SCAI: variants seen among roughly 807,000 people sequenced by gnomAD.
SCAI encodes the protein protein SCAI.
A neutral mutation model predicts 92.2 loss-of-function variants in SCAI; 24 were observed. The observed-to-expected ratio is 0.26, with a 90% confidence interval of 0.19 to 0.37. The LOEUF is 0.37. Ranked by LOEUF, SCAI falls within the 10% of genes least tolerant of loss-of-function variation. The pLI is 1.00. For synonymous variants in SCAI, 261 were observed against 258.6 expected (o/e 1.01, Z -0.09); for missense variants, 450 against 736.2 (o/e 0.61, Z 4.50).
At chr9:125,072,102 C>A (rs528235883) in intron 2 of SCAI, among the ~76,000 whole-genome samples, 8 of 151,630 alleles carry the variant, frequency 5.3e-5, no homozygotes, top group Non-Finnish European at 7.4e-5. Flanking sequence ...CGGCTCACTG[C>A]AACCTCTGCC....
intron 2 of SCAI, among the ~76,000 whole-genome samples, chr9:125,123,362 CAA>C (rs113727130): frequency 7.4e-6 from 1 of 134,798 alleles, no homozygotes. Context: ...GACTCCAACT[CAA>C]AAAAAAAAAG....
intron 14 of SCAI, among the ~76,000 whole-genome samples, chr9:124,990,851 G>A (rs1286422940): frequency 6.6e-6 from 1 of 151,566 alleles, no homozygotes; most frequent in African/African-American, 2.4e-5. Flanking sequence ...AGGGATTTCT[G>A]AGTGAGTAGT....
At chr9:125,096,698 G>A (rs1286744400) in intron 2 of SCAI, among the ~76,000 whole-genome samples, 1 of 152,154 alleles carries the variant, frequency 6.6e-6, no homozygotes, top group Non-Finnish European at 1.5e-5. Flanking sequence ...CTCAACTCCT[G>A]CTTCTGGGGA....
intron 2 of SCAI, among the ~76,000 whole-genome samples, chr9:125,066,445 T>A (rs1422472722): frequency 7.2e-6 from 1 of 139,614 alleles, no homozygotes; most frequent in Non-Finnish European, 1.6e-5. Context: ...TTATTTTATT[T>A]TATTTTATTT....
chr9:125,124,197 A>G (rs992591993), intron 2 of SCAI, among the ~76,000 whole-genome samples: 4 of 152,204 alleles, frequency 2.6e-5, no homozygotes, highest in Admixed American at 2.6e-4. Flanking sequence ...TAAGGCAATA[A>G]AAGACTAGGC....
chr9:125,130,591 G>A (rs1835377418), intron 2 of SCAI, among the ~76,000 whole-genome samples: 1 of 151,660 alleles, frequency 6.6e-6, no homozygotes, highest in Admixed American at 6.6e-5. Flanking sequence ...TCAGTTCACT[G>A]CAACCTCTAC....
chr9:125,033,914 G>T (rs1191875521), intron 3 of SCAI, among the ~76,000 whole-genome samples: 1 of 152,164 alleles, frequency 6.6e-6, no homozygotes, highest in East Asian at 1.9e-4. Context: ...ATTTGATGAA[G>T]AAATATCATT....
intron 9 of SCAI, among the ~76,000 whole-genome samples, chr9:125,012,848 T>A (rs1476095883): frequency 2.6e-5 from 4 of 151,982 alleles, no homozygotes; most frequent in Non-Finnish European, 5.9e-5. Flanking sequence ...CACAGTGCAA[T>A]CAAACTAGAA....
At chr9:125,101,258 A>T (rs1834672394) in intron 2 of SCAI, among the ~76,000 whole-genome samples, 1 of 152,204 alleles carries the variant, frequency 6.6e-6, no homozygotes, top group Non-Finnish European at 1.5e-5. Context: ...ATGTGATTTG[A>T]CTGACATTTT....
At chr9:125,090,121 A>G (rs1231516906) in intron 2 of SCAI, among the ~76,000 whole-genome samples, 2 of 152,224 alleles carry the variant, frequency 1.3e-5, no homozygotes, top group Admixed American at 1.3e-4. Flanking sequence ...AATGACTACA[A>G]CAACCCCCTT....
intron 9 of SCAI, among the ~76,000 whole-genome samples, chr9:125,010,200 A>G (rs1196651025): frequency 6.6e-6 from 1 of 152,206 alleles, no homozygotes; most frequent in African/African-American, 2.4e-5. Context: ...GGTGCAGCGC[A>G]CCGTGCGCGA....
intron 2 of SCAI, among the ~76,000 whole-genome samples, chr9:125,118,251 A>G (rs1022670919): frequency 2.0e-5 from 3 of 152,142 alleles, no homozygotes; most frequent in African/African-American, 7.2e-5. Context: ...TAATCCCAAC[A>G]TTCTGTAATC....
At chr9:125,108,633 C>T (rs1342599977) in intron 2 of SCAI, among the ~76,000 whole-genome samples, 3 of 146,510 alleles carry the variant, frequency 2.0e-5, no homozygotes, top group African/African-American at 7.6e-5. Context: ...CCCCTCCGCC[C>T]GGCAGCCGCC....
At chr9:125,056,922 C>T (rs1325387068) in intron 2 of SCAI, among the ~76,000 whole-genome samples, 3 of 152,170 alleles carry the variant, frequency 2.0e-5, no homozygotes, top group Admixed American at 1.3e-4. Flanking sequence ...CACACGTACA[C>T]ACACAGACGT....
intron 3 of SCAI, among the ~76,000 whole-genome samples, chr9:125,037,694 C>A (rs1478830398): frequency 6.6e-6 from 1 of 152,052 alleles, no homozygotes; most frequent in Non-Finnish European, 1.5e-5. Flanking sequence ...GCGGGCGGAT[C>A]ATTTGAGGTC....
chr9:125,010,277 T>A (rs1200096650), intron 9 of SCAI, among the ~76,000 whole-genome samples: 2 of 152,142 alleles, frequency 1.3e-5, no homozygotes, highest in South Asian at 2.1e-4. Flanking sequence ...CCTTTCCTAG[T>A]CAAAGAAAGG....
intron 2 of SCAI, among the ~76,000 whole-genome samples, chr9:125,140,192 C>G (rs1835633526): frequency 6.6e-6 from 1 of 151,514 alleles, no homozygotes; most frequent in Admixed American, 6.6e-5. Flanking sequence ...GCCTTGACAA[C>G]AGAGCCAAGC....
chr9:125,045,329 G>C (rs1833412341), intron 3 of SCAI, among the ~76,000 whole-genome samples: 1 of 152,184 alleles, frequency 6.6e-6, no homozygotes, highest in South Asian at 2.1e-4. Context: ...GCCTCCCAAA[G>C]TGCTGGGATT....
At chr9:125,035,130 G>A (rs1833165898) in intron 3 of SCAI, among the ~76,000 whole-genome samples, 1 of 152,072 alleles carries the variant, frequency 6.6e-6, no homozygotes, top group Non-Finnish European at 1.5e-5. Context: ...TGAGATGGGA[G>A]GACTGCTTGA....
Sources: gnomAD v4.1 joint callset for allele counts (sites outside exome capture counted in the v4.1 genomes callset) on GRCh38, gnomAD v4.1.1 for gene constraint, MANE v1.5 for transcripts, NCBI Gene and HGNC (gene_info 2026-07-23, HGNC 2026-07-21) for gene names.